CLIC5: variants seen among roughly 807,000 people sequenced by gnomAD.
The protein encoded by CLIC5 is chloride intracellular channel protein 5.
A neutral mutation model predicts 24.7 loss-of-function variants in CLIC5; 20 were observed. The observed-to-expected ratio is 0.81, with a 90% CI of 0.57 to 1.18. The LOEUF is 1.18. Among genes scored for constraint, CLIC5 ranks in the 50% most tolerant of loss-of-function variants. The pLI is 0.00. For missense variants in CLIC5, 341 were observed against 326.1 expected (o/e 1.05, Z -0.35); for synonymous variants, 159 against 135.6 (o/e 1.17, Z -1.20).
In CLIC5 at chr6:45,973,188, C is replaced by T. The variant is rs144837935; in HGVS notation, c.64-17944G>A. On this transcript the variant is annotated intron_variant, in intron 1 of 5. Coordinates refer to ENST00000339561, the MANE Select transcript of CLIC5 (RefSeq NM_016929.5). ...TCCTGCACCCCCTGAAGTTACCTGC[C>T]TCTTTGCCTGTGGGACCAGTCAGAT... 1.4e-3 allele frequency among the ~76,000 whole-genome samples: 206 copies of T among 152,328 alleles called. 1 individual carries two copies. The highest frequency in any genetic ancestry group is 4.7e-3 in the African/African-American group (196 of 41,566).
chr6:45,970,211 G>A (rs556297131), intron 1 of CLIC5, among the ~76,000 whole-genome samples: 111 of 152,280 alleles, frequency 7.3e-4, no homozygotes, highest in African/African-American at 2.5e-3. Context: ...AATTTCTTCT[G>A]AGCCCCTATA....
chr6:45,926,545 C>T (rs368357444), intron 4 of CLIC5, among the ~76,000 whole-genome samples: 93 of 152,112 alleles, frequency 6.1e-4, no homozygotes, highest in African/African-American at 1.9e-3. Flanking sequence ...CATGAGCCAC[C>T]GCGCCCGGCC....
chr6:45,962,017 T>A (rs929572216), intron 1 of CLIC5, among the ~76,000 whole-genome samples: 1 of 123,296 alleles, frequency 8.1e-6, no homozygotes, highest in Non-Finnish European at 1.6e-5. Context: ...ACAACATGTA[T>A]GTGTGTGTGT....
the CLIC5 span, among the ~76,000 whole-genome samples, chr6:46,105,391 T>C: frequency 6.6e-6 from 1 of 152,316 alleles, no homozygotes. Context: ...TATACACATA[T>C]ACTTTTCTAA....
chr6:46,012,738 T>C (rs760953679), intron 1 of CLIC5, among the ~76,000 whole-genome samples: 3 of 152,220 alleles, frequency 2.0e-5, no homozygotes, highest in Admixed American at 6.5e-5. Context: ...ACATGTATTG[T>C]TCAACAGAAC....
chr6:45,909,853 C>T (rs1762768356), intron 5 of CLIC5, among the ~76,000 whole-genome samples: 1 of 152,130 alleles, frequency 6.6e-6, no homozygotes, highest in Non-Finnish European at 1.5e-5. Context: ...AGAGAGGGCC[C>T]TAGACCATTG....
chr6:46,106,729 C>T, the CLIC5 span, among the ~76,000 whole-genome samples: 1 of 152,192 alleles, frequency 6.6e-6, no homozygotes, highest in Non-Finnish European at 1.5e-5. Flanking sequence ...TATTTTTAAT[C>T]TTCCTCTAAC....
intron 3 of CLIC5, among the ~76,000 whole-genome samples, chr6:45,948,721 T>C (rs1346334844): frequency 1.3e-5 from 2 of 152,166 alleles, no homozygotes; most frequent in African/African-American, 4.8e-5. Context: ...CGGTCTATAC[T>C]CTCCCTGAAC....
chr6:45,942,319 T>C (rs1395921653), intron 3 of CLIC5, among the ~76,000 whole-genome samples: 1 of 152,192 alleles, frequency 6.6e-6, no homozygotes, highest in Admixed American at 6.5e-5. Flanking sequence ...TCTCTCTCTT[T>C]CGTAGAGTCT....
intron 5 of CLIC5, among the ~76,000 whole-genome samples, chr6:45,906,712 G>A (rs2095772): frequency 0.019 from 2,936 of 152,064 alleles, 39 homozygotes; most frequent in Admixed American, 0.034. Context: ...ACAGGCATGC[G>A]CCACCATGCC....
chr6:45,916,515 C>T (rs1309416307), intron 4 of CLIC5, among the ~76,000 whole-genome samples: 1 of 152,182 alleles, frequency 6.6e-6, no homozygotes, highest in Non-Finnish European at 1.5e-5. Context: ...AATACTGGGC[C>T]TGTCAAAATT....
At chr6:45,972,721 A>T (rs1362175528) in intron 1 of CLIC5, among the ~76,000 whole-genome samples, 1 of 152,174 alleles carries the variant, frequency 6.6e-6, no homozygotes, top group African/African-American at 2.4e-5. Flanking sequence ...TTAGTGTTTG[A>T]GAAGGCTGGT....
the CLIC5 span, among the ~76,000 whole-genome samples, chr6:46,110,381 G>A: frequency 6.6e-6 from 1 of 152,170 alleles, no homozygotes; most frequent in Non-Finnish European, 1.5e-5. Context: ...ACGACCTGGT[G>A]TTGGGTCTGA....
At chr6:45,889,173 G>C (rs1384155269) in intron 6 of CLIC5, among the ~76,000 whole-genome samples, 1 of 152,146 alleles carries the variant, frequency 6.6e-6, no homozygotes, top group Non-Finnish European at 1.5e-5. Flanking sequence ...AGGTAGGAAA[G>C]TCCAAGGTGA....
the CLIC5 span, among the ~76,000 whole-genome samples, chr6:46,087,761 A>T: frequency 6.6e-6 from 1 of 152,212 alleles, no homozygotes; most frequent in Non-Finnish European, 1.5e-5. Context: ...AGGAGCCCAG[A>T]TAGCCAACTT....
intron 1 of CLIC5, among the ~76,000 whole-genome samples, chr6:46,062,116 A>C (rs1349187042): frequency 6.6e-6 from 1 of 152,248 alleles, no homozygotes; most frequent in Non-Finnish European, 1.5e-5. Flanking sequence ...AATTCATTTA[A>C]ATTTAAACAG....
intron 1 of CLIC5, among the ~76,000 whole-genome samples, chr6:45,990,276 T>C (rs1765888183): frequency 6.6e-6 from 1 of 152,232 alleles, no homozygotes; most frequent in South Asian, 2.1e-4. Context: ...AATGCCCTAT[T>C]ACTTTTTAAA....
chr6:45,949,531 A>C, intron 2 of CLIC5, 150 bp from the exon 3 acceptor site: 2 of 814,268 alleles, frequency 2.5e-6, no homozygotes, highest in South Asian at 4.2e-5. Context: ...AGGGCAGGGG[A>C]GGTTGGAGAA....
At chr6:46,057,972 C>T (rs1768306884) in intron 1 of CLIC5, among the ~76,000 whole-genome samples, 1 of 152,168 alleles carries the variant, frequency 6.6e-6, no homozygotes. Context: ...CTTTACAACC[C>T]AACTCACACA....
Sources: allele counts gnomAD v4.1 joint callset (sites outside exome capture counted in the v4.1 genomes callset), GRCh38; gene constraint gnomAD v4.1.1; transcripts MANE v1.5; gene names NCBI Gene and HGNC (gene_info 2026-07-23, HGNC 2026-07-21).